The following DOCK4 variants were observed in gnomAD, a reference collection of about 807,000 sequenced individuals.
DOCK4 encodes dedicator of cytokinesis 4.
In DOCK4, 97 loss-of-function variants were observed where a neutral mutation model predicts 268.1. The ratio of observed to expected loss-of-function variants is 0.36; its 90% CI spans 0.31 to 0.43. DOCK4 has a LOEUF of 0.43. DOCK4 is among the 20% of genes least tolerant of loss of function. The probability of loss-of-function intolerance (pLI) is 1.00; values close to 1 mark genes in which losing one functional copy is unlikely to be tolerated. For synonymous variants in DOCK4, 954 were observed against 887.2 expected (o/e 1.08, Z -1.34); for missense variants, 2,145 against 2,455.7 (o/e 0.87, Z 2.67).
chr7:112,138,345 T>C (rs1586902130), intron 1 of DOCK4, among the ~76,000 whole-genome samples: 3 of 152,222 alleles, frequency 2.0e-5, no homozygotes, highest in South Asian at 2.1e-4. Flanking sequence ...ATGGACACAA[T>C]ATGCTCTCAC....
chr7:112,030,990 T>G (rs1258662132), intron 1 of DOCK4, among the ~76,000 whole-genome samples: 4 of 152,220 alleles, frequency 2.6e-5, no homozygotes, highest in Non-Finnish European at 5.9e-5. Flanking sequence ...ATTTGCAGTG[T>G]AACATAGTGA....
At chr7:112,154,276 T>C (rs2116427632) in intron 1 of DOCK4, among the ~76,000 whole-genome samples, 1 of 152,258 alleles carries the variant, frequency 6.6e-6, no homozygotes, top group Non-Finnish European at 1.5e-5. Flanking sequence ...CCAGTTGGTT[T>C]TTTAAAATAC....
intron 12 of DOCK4, among the ~76,000 whole-genome samples, chr7:111,925,898 C>T (rs183190150): frequency 1.0e-3 from 154 of 151,784 alleles, no homozygotes; most frequent in African/African-American, 3.2e-3. Flanking sequence ...CTATCCTGGC[C>T]AACATGGTAA....
rs143889732 is a variant in DOCK4, at chr7:111,820,024, G to A, written c.2930+2338C>T. The A allele has an allele frequency of 9.2e-5, 14 of 152,272 alleles. No homozygotes were observed. In the East Asian group the frequency reaches 2.7e-3, roughly 29 times the overall value. The allele number at this position is 152,272 out of a possible 1,614,324, so 9.4% of individuals were successfully genotyped here. A position where few individuals can be genotyped will look rare whatever the true frequency, so the allele number is the denominator to read the frequency against. On this transcript the variant is annotated intron_variant, in intron 27 of 52. Transcript: ENST00000428084. ...TTTAAGATGTCCTTAACATCTTTCA[G>A]AAATCTACTTTTCTACCAATATTAT...
chr7:111,979,556 C>CAA (rs772352705), intron 7 of DOCK4, among the ~76,000 whole-genome samples: 1 of 151,454 alleles, frequency 6.6e-6, no homozygotes, highest in Non-Finnish European at 1.5e-5. Flanking sequence ...CAAGGCTTCA[C>CAA]CATCCCCCCT....
intron 16 of DOCK4, among the ~76,000 whole-genome samples, chr7:111,889,618 C>T (rs1337562788): frequency 6.6e-6 from 1 of 152,004 alleles, no homozygotes; most frequent in East Asian, 1.9e-4. Flanking sequence ...TACTATGGAC[C>T]AAGTTAGGGA....
chr7:111,825,951 C>T (rs1289126391), intron 26 of DOCK4, among the ~76,000 whole-genome samples: 1 of 152,150 alleles, frequency 6.6e-6, no homozygotes, highest in Non-Finnish European at 1.5e-5. Flanking sequence ...GGGTGCTTTA[C>T]TATGTGCCAG....
chr7:111,742,070 G>T lies in DOCK4; in HGVS notation c.4740C>A (p.Pro1580=), dbSNP rs530902967. 1 of 1,609,278 alleles carries T rather than the reference G, an allele frequency of 6.2e-7. No individual in the cohort carries two copies. Among genetic ancestry groups the T allele is most frequent in the Non-Finnish European group, 8.5e-7 (1 of 1,177,986 alleles). Residue 1580 remains proline (P), a synonymous_variant, in exon 45 of 53, where the codon CCC becomes CCA. Transcript: ENST00000428084. ...HEKFVPQDMR[P]LHKKLVDQFF... The stretch of plus-strand genomic sequence containing the variant: ...ATTGGTCAACCAGCTTTTTGTGAAG[G>T]GGTCTCATATCTTGAGGTACAAACT...
At chr7:112,058,024 ATTTTTTTTTTTT>A (rs67991598) in intron 1 of DOCK4, among the ~76,000 whole-genome samples, 2 of 115,040 alleles carry the variant, frequency 1.7e-5, no homozygotes, top group Admixed American at 9.7e-5. Flanking sequence ...TACAGGTTCA[ATTTTTTTTTTTT>A]TTTTTTTTTT....
intron 16 of DOCK4, 150 bp downstream of exon 16, chr7:111,895,462 C>T (rs752765613): frequency 1.4e-6 from 1 of 739,958 alleles, no homozygotes; most frequent in Non-Finnish European, 2.3e-6. Flanking sequence ...AATATAGAAA[C>T]AATACTTTGA....
At chr7:112,190,602 G>T (rs1819867840) in intron 1 of DOCK4, among the ~76,000 whole-genome samples, 1 of 151,950 alleles carries the variant, frequency 6.6e-6, no homozygotes, top group Non-Finnish European at 1.5e-5. Flanking sequence ...GGATGAGATT[G>T]CAGACAGGGG....
rs772440948 is a variant in DOCK4, at chr7:112,083,718, TG to T, written c.38-79588del. On this transcript the variant is annotated intron_variant, in intron 1 of 52. Coordinates refer to ENST00000428084, the MANE Select transcript of DOCK4 (RefSeq NM_001363540.2). Reference sequence around the variant, plus strand: ...TTTCCGTGGCACAGAATGAACAAGATGAAAAGTCAGAACTGATGGCAGGGAT... The same window carrying T: ...TTTCCGTGGCACAGAATGAACAAGATAAAAGTCAGAACTGATGGCAGGGAT... Among the ~76,000 whole-genome samples, 8 of 152,204 alleles carry T rather than the reference TG, an allele frequency of 5.3e-5. No individual in the cohort carries two copies. In the East Asian group the frequency reaches 9.7e-4, roughly 18 times the overall value.
chr7:111,970,511 T>C (rs942108788), intron 8 of DOCK4, among the ~76,000 whole-genome samples: 3 of 152,202 alleles, frequency 2.0e-5, no homozygotes, highest in African/African-American at 7.2e-5. Context: ...TACAGATGAT[T>C]TGCAGAGAAA....
At chr7:111,893,320 G>A (rs1808448979) in intron 16 of DOCK4, among the ~76,000 whole-genome samples, 1 of 152,110 alleles carries the variant, frequency 6.6e-6, no homozygotes, top group Non-Finnish European at 1.5e-5. Flanking sequence ...TCACGCTCAC[G>A]AAGAGAAGTC....
intron 10 of DOCK4, among the ~76,000 whole-genome samples, chr7:111,944,442 T>C (rs1795452983): frequency 6.6e-6 from 1 of 152,166 alleles, no homozygotes; most frequent in Non-Finnish European, 1.5e-5. Flanking sequence ...TACAGAGCCT[T>C]CATTAACTTA....
intron 23 of DOCK4, among the ~76,000 whole-genome samples, chr7:111,848,790 C>A (rs75797110): frequency 6.6e-6 from 1 of 152,122 alleles, no homozygotes; most frequent in Non-Finnish European, 1.5e-5. Context: ...GGAAAAACCC[C>A]CCTCTCCCAA....
chr7:111,859,455 A>C (rs2134163681), intron 23 of DOCK4, among the ~76,000 whole-genome samples: 1 of 152,292 alleles, frequency 6.6e-6, no homozygotes, highest in African/African-American at 2.4e-5. Context: ...ATTTGGATAC[A>C]GTTATCTCTG....
Position 111,755,584 on chromosome 7 carries a change from T to C in DOCK4, c.4347A>G (p.Arg1449=), listed in dbSNP as rs1796968398. Residue 1449 remains arginine (R), a synonymous_variant, in exon 42 of 53, where the codon AGA becomes AGG. Transcript: ENST00000428084. The part of the protein sequence containing the change: ...ENEFKSLWVE[R]TSLYLVQSLP... ...AACTCTGCACCAAGTATAATGACGT[T>C]CTCTCCACCCAGAGACTCTACAAAA... is the stretch of plus-strand genomic sequence containing the variant. 2 of 1,613,776 alleles carry C rather than the reference T, an allele frequency of 1.2e-6. No homozygotes were observed. Among genetic ancestry groups the C allele is most frequent in the Non-Finnish European group, 1.7e-6 (2 of 1,179,874 alleles).
At chr7:111,838,586 TTAA>T (rs1340414134) in intron 25 of DOCK4, among the ~76,000 whole-genome samples, 2 of 152,144 alleles carry the variant, frequency 1.3e-5, no homozygotes, top group South Asian at 2.1e-4. Flanking sequence ...TAGTATATGA[TTAA>T]TAATAATAGC....
Sources: allele counts gnomAD v4.1 joint callset (sites outside exome capture counted in the v4.1 genomes callset), GRCh38; gene constraint gnomAD v4.1.1; transcripts MANE v1.5; gene names NCBI Gene and HGNC (gene_info 2026-07-23, HGNC 2026-07-21).